Variants in RALGPS2 observed in about 807,000 individuals in gnomAD.
RALGPS2 encodes ras-specific guanine nucleotide-releasing factor RalGPS2.
A neutral mutation model predicts 86.8 loss-of-function variants in RALGPS2; 43 were observed. The observed-to-expected ratio is 0.50, with a 90% CI of 0.39 to 0.64. RALGPS2 has a LOEUF of 0.64. Among genes scored for constraint, RALGPS2 ranks in the 30% least tolerant of loss-of-function variants. The pLI is 0.00. For synonymous variants in RALGPS2, 243 were observed against 231.3 expected, an observed-to-expected ratio of 1.05 and a Z score of -0.46; for missense variants, 536 against 694.6, an observed-to-expected ratio of 0.77 and a Z score of 2.57.
At chr1:178,858,450 AATTG>A (rs1255052868) in intron 8 of RALGPS2, among the ~76,000 whole-genome samples, 4 of 152,170 alleles carry the variant, frequency 2.6e-5, no homozygotes, top group African/African-American at 7.2e-5. Context: ...TTCAGAAATA[AATTG>A]ATTGATCTGT....
At chr1:178,839,583 G>A (rs1291613048) in intron 8 of RALGPS2, among the ~76,000 whole-genome samples, 1 of 152,092 alleles carries the variant, frequency 6.6e-6, no homozygotes, top group Admixed American at 6.5e-5. Context: ...GACCATTGAT[G>A]CTAGGAAGAA....
intron 5 of RALGPS2, among the ~76,000 whole-genome samples, chr1:178,810,603 G>C (rs1654931536): frequency 6.6e-6 from 1 of 150,480 alleles, no homozygotes; most frequent in Non-Finnish European, 1.5e-5. Context: ...CCCAAGTATA[G>C]TAACAAGTAT....
chr1:178,737,681 A>AT (rs1650793054), intron 1 of RALGPS2, among the ~76,000 whole-genome samples: 1 of 152,074 alleles, frequency 6.6e-6, no homozygotes, highest in South Asian at 2.1e-4. Context: ...TGGCTTAAAT[A>AT]TTTTTCATTT....
intron 4 of RALGPS2, among the ~76,000 whole-genome samples, chr1:178,790,531 T>C (rs578258200): frequency 1.3e-4 from 20 of 152,360 alleles, no homozygotes; most frequent in African/African-American, 4.8e-4. Context: ...TGTATAGGTA[T>C]CCCTTAACGC....
rs144504881 is a variant in RALGPS2 at position 178,773,103 on chromosome 1, AT to A, written c.-83-3574del. Among the ~76,000 whole-genome samples, 926 of 152,318 alleles carry A rather than the reference AT, an allele frequency of 6.1e-3. 10 individuals are homozygous for A. Among genetic ancestry groups the A allele is most frequent in the African/African-American group, 0.021 (885 of 41,562 alleles). ...AGGCGTGAGCCCCTGTACCTGGCCT[AT>A]TTTTAAACTTTTCTTTACACTTTGA... is the stretch of plus-strand genomic sequence containing the variant. On this transcript the variant is annotated intron_variant, in intron 1 of 19. Coordinates refer to ENST00000367635, the MANE Select transcript of RALGPS2 (RefSeq NM_152663.5).
intron 8 of RALGPS2, among the ~76,000 whole-genome samples, chr1:178,837,629 A>G (rs188887721): frequency 6.6e-6 from 1 of 152,156 alleles, no homozygotes; most frequent in South Asian, 2.1e-4. Context: ...CAGGTGATTG[A>G]TGCATTTCCA....
chr1:178,757,238 A>G (rs1365688158), intron 1 of RALGPS2, among the ~76,000 whole-genome samples: 1 of 152,150 alleles, frequency 6.6e-6, no homozygotes, highest in African/African-American at 2.4e-5. Context: ...AGAATCACAT[A>G]GTCAGTGAAG....
intron 4 of RALGPS2, among the ~76,000 whole-genome samples, chr1:178,798,773 C>G (rs1654323836): frequency 6.6e-6 from 1 of 151,888 alleles, no homozygotes; most frequent in Admixed American, 6.6e-5. Flanking sequence ...TCCAGGATTT[C>G]TATAAGAAAG....
At position 178,856,394 on chromosome 1, in the gene RALGPS2, A is replaced by ATTTTTTTTTTTTTTTT. The variant is rs71108081; in HGVS notation, c.608-21087_608-21072dup. ...AGGCAAGTGCCACCCTGCCTGGCTA[A>ATTTTTTTTTTTTTTTT]TTTTTTTTTTTTTTTTTTTTTTTTT... On this transcript the variant is annotated intron_variant, in intron 8 of 19. Transcript: ENST00000367635. Among the ~76,000 whole-genome samples the ATTTTTTTTTTTTTTTT allele has an allele frequency of 1.7e-3, 62 of 36,430 alleles. 16 individuals are homozygous for ATTTTTTTTTTTTTTTT. Among genetic ancestry groups the ATTTTTTTTTTTTTTTT allele is most frequent in the African/African-American group, 4.7e-3 (32 of 6,866 alleles). 23.9% of individuals were successfully genotyped at this position (36,430 alleles called of 152,430 possible).
At chr1:178,815,759 A>G (rs1655196758) in intron 6 of RALGPS2, among the ~76,000 whole-genome samples, 1 of 152,020 alleles carries the variant, frequency 6.6e-6, no homozygotes, top group Non-Finnish European at 1.5e-5. Flanking sequence ...CCCAAACAAC[A>G]TTTCCTCCAT....
intron 8 of RALGPS2, among the ~76,000 whole-genome samples, chr1:178,862,503 A>G (rs1038946483): frequency 3.3e-5 from 5 of 152,148 alleles, no homozygotes; most frequent in African/African-American, 9.7e-5. Flanking sequence ...TGTCTTATGT[A>G]TGTTACAGAG....
At chr1:178,908,693 G>GT (rs1430605515) in intron 19 of RALGPS2, among the ~76,000 whole-genome samples, 1 of 152,100 alleles carries the variant, frequency 6.6e-6, no homozygotes, top group African/African-American at 2.4e-5. Context: ...TCAAATGCTT[G>GT]TTGGCCATGT....
chr1:178,907,289 A>C (rs1660427430), intron 19 of RALGPS2, among the ~76,000 whole-genome samples: 1 of 152,210 alleles, frequency 6.6e-6, no homozygotes, highest in Non-Finnish European at 1.5e-5. Context: ...GAACAAGCTT[A>C]AGGTGAGTTC....
chr1:178,774,398 T>C (rs929660274), intron 1 of RALGPS2, among the ~76,000 whole-genome samples: 4 of 152,262 alleles, frequency 2.6e-5, no homozygotes, highest in East Asian at 1.9e-4. Context: ...TATTTTGATA[T>C]GTAAAGTAAG....
chr1:178,820,293 T>G (rs1157169732), intron 6 of RALGPS2, among the ~76,000 whole-genome samples: 1 of 152,222 alleles, frequency 6.6e-6, no homozygotes, highest in Non-Finnish European at 1.5e-5. Flanking sequence ...AGTTATATCA[T>G]TCTCAAATTT....
At chr1:178,882,466 A>C (rs1411911196) in intron 10 of RALGPS2, among the ~76,000 whole-genome samples, 1 of 152,240 alleles carries the variant, frequency 6.6e-6, no homozygotes, top group East Asian at 1.9e-4. Context: ...AAGTCTGGTT[A>C]ATCATTTATC....
intron 19 of RALGPS2, among the ~76,000 whole-genome samples, chr1:178,915,358 C>T (rs1660773560): frequency 6.6e-6 from 1 of 152,148 alleles, no homozygotes; most frequent in Non-Finnish European, 1.5e-5. Context: ...GCCTCAGCCT[C>T]CTGAGTAGCT....
chr1:178,813,778 A>G (rs140430332), intron 6 of RALGPS2, among the ~76,000 whole-genome samples: 13 of 152,324 alleles, frequency 8.5e-5, no homozygotes, highest in African/African-American at 2.4e-4. Context: ...CCAATTTTCA[A>G]TGTTAAAGCC....
intron 15 of RALGPS2, 31 bp downstream of exon 15, chr1:178,892,338 A>G (rs775960019): frequency 1.1e-5 from 17 of 1,585,708 alleles, no homozygotes; most frequent in Non-Finnish European, 1.5e-5. Context: ...GGGGTCACAG[A>G]ACTCCCTTAT....
Sources: allele counts gnomAD v4.1 joint callset (sites outside exome capture counted in the v4.1 genomes callset), GRCh38; gene constraint gnomAD v4.1.1; transcripts MANE v1.5; gene names NCBI Gene and HGNC (gene_info 2026-07-23, HGNC 2026-07-21).